Variants in NAALADL2 observed in about 807,000 individuals in gnomAD.
NAALADL2 encodes the protein N-acetylated alpha-linked acidic dipeptidase like 2, also known as inactive N-acetylated-alpha-linked acidic dipeptidase-like protein 2.
NAALADL2 carries 76 observed loss-of-function variants against 87.2 expected under a neutral mutation model. The ratio of observed to expected loss-of-function variants is 0.87; its 90% confidence interval spans 0.72 to 1.05. The LOEUF (loss-of-function observed/expected upper bound fraction) is 1.05, where lower values mean the gene tolerates loss of function less well. Ranked by LOEUF, NAALADL2 falls within the 50% of genes least tolerant of loss-of-function variation. The probability of loss-of-function intolerance (pLI) is 0.00; values close to 1 mark genes in which losing one functional copy is unlikely to be tolerated. For synonymous variants in NAALADL2, 354 were observed against 331.0 expected (o/e 1.07, Z -0.75); for missense variants, 1,089 against 945.8 (o/e 1.15, Z -1.99).
At chr3:175,389,458 G>C (rs186871155) in intron 5 of NAALADL2, among the ~76,000 whole-genome samples, 267 of 152,248 alleles carry the variant, frequency 1.8e-3, no homozygotes, top group Non-Finnish European at 1.4e-3. Context: ...TATAAGCACA[G>C]TTCAAACCTT....
intron 9 of NAALADL2, among the ~76,000 whole-genome samples, chr3:175,520,590 G>A (rs929138985): frequency 3.3e-5 from 5 of 152,134 alleles, no homozygotes; most frequent in Admixed American, 6.5e-5. Context: ...GAGCCACCGC[G>A]CCCGGCCCAA....
chr3:174,921,108 T>C (rs1324284114), intron 1 of NAALADL2, among the ~76,000 whole-genome samples: 3 of 152,142 alleles, frequency 2.0e-5, no homozygotes, highest in African/African-American at 7.2e-5. Flanking sequence ...ATTACCAAAA[T>C]GTGAAACAGA....
chr3:174,921,137 G>A (rs1167384347), intron 1 of NAALADL2, among the ~76,000 whole-genome samples: 1 of 152,142 alleles, frequency 6.6e-6, no homozygotes, highest in Non-Finnish European at 1.5e-5. Flanking sequence ...ATGAGCACAT[G>A]CTATTGGAAA....
chr3:174,624,301 C>T (rs987735104), intron 2 of NAALADL2, among the ~76,000 whole-genome samples: 1 of 152,104 alleles, frequency 6.6e-6, no homozygotes, highest in Non-Finnish European at 1.5e-5. Context: ...CATGACAGTC[C>T]TCTCCATCTT....
intron 3 of NAALADL2, among the ~76,000 whole-genome samples, chr3:174,795,188 G>C (rs1399466106): frequency 6.6e-6 from 1 of 150,596 alleles, no homozygotes; most frequent in Non-Finnish European, 1.5e-5. Flanking sequence ...GTAGAGACAG[G>C]GTTTCTCCAT....
intron 3 of NAALADL2, among the ~76,000 whole-genome samples, chr3:174,850,609 C>A (rs866553606): frequency 6.6e-6 from 1 of 152,154 alleles, no homozygotes; most frequent in East Asian, 1.9e-4. Flanking sequence ...CTAGAGTACC[C>A]AGATATGTAA....
At chr3:174,579,492 T>G (rs1287344706) in intron 2 of NAALADL2, among the ~76,000 whole-genome samples, 1 of 152,008 alleles carries the variant, frequency 6.6e-6, no homozygotes, top group Non-Finnish European at 1.5e-5. Context: ...TTATTTGAAA[T>G]TATAGAATGT....
intron 1 of NAALADL2, among the ~76,000 whole-genome samples, chr3:175,072,859 A>G (rs1054460539): frequency 2.0e-5 from 3 of 152,026 alleles, no homozygotes; most frequent in Admixed American, 2.0e-4. Flanking sequence ...AAAAAACGAA[A>G]AATGGAAAAG....
At chr3:175,722,441 G>T (rs1440448877) in intron 11 of NAALADL2, among the ~76,000 whole-genome samples, 1 of 152,014 alleles carries the variant, frequency 6.6e-6, no homozygotes, top group Non-Finnish European at 1.5e-5. Flanking sequence ...AAATGAGGTG[G>T]TTCACTAAAG....
chr3:174,972,994 C>CT (rs1422635183), intron 1 of NAALADL2, among the ~76,000 whole-genome samples: 19 of 84,432 alleles, frequency 2.3e-4, no homozygotes, highest in Middle Eastern at 5.6e-3. Flanking sequence ...GAAACTCTGT[C>CT]TCAAAAAAAA....
intron 1 of NAALADL2, among the ~76,000 whole-genome samples, chr3:175,091,751 T>C (rs1433828257): frequency 1.3e-5 from 2 of 152,024 alleles, no homozygotes; most frequent in Admixed American, 6.6e-5. Context: ...TTTGAGTAAA[T>C]AGACCAAAAA....
intron 2 of NAALADL2, among the ~76,000 whole-genome samples, chr3:174,698,392 C>A (rs563489972): frequency 1.3e-4 from 20 of 152,086 alleles, no homozygotes; most frequent in African/African-American, 3.9e-4. Flanking sequence ...AGAGACATTT[C>A]CTCTCAGGAT....
rs925804074 is a variant in NAALADL2, at chr3:175,409,439, G to A, written c.1091-37790G>A. ...GTGATATTTATCAATAACTTATGATGAGTGGATCTTACCCATATTGTTGAC... is the reference window on the plus strand; with the variant it reads ...GTGATATTTATCAATAACTTATGATAAGTGGATCTTACCCATATTGTTGAC... On this transcript the variant is annotated intron_variant, in intron 5 of 13. Coordinates refer to ENST00000454872, the MANE Select transcript of NAALADL2 (RefSeq NM_207015.3). 4.6e-5 allele frequency among the ~76,000 whole-genome samples: 7 copies of A among 151,794 alleles called. No homozygotes were observed. The South Asian group carries it at 1.2e-3, about 27-fold the overall frequency.
intron 1 of NAALADL2, among the ~76,000 whole-genome samples, chr3:175,014,555 C>G (rs1750571406): frequency 6.6e-6 from 1 of 152,002 alleles, no homozygotes; most frequent in Admixed American, 6.6e-5. Flanking sequence ...ATAATTGATG[C>G]AAACCATTTG....
chr3:175,369,389 A>G (rs1766146079), intron 5 of NAALADL2, among the ~76,000 whole-genome samples: 1 of 149,452 alleles, frequency 6.7e-6, no homozygotes, highest in Non-Finnish European at 1.5e-5. Flanking sequence ...ATGTGCATGT[A>G]TACATATATA....
At position 175,667,241 on chromosome 3, in the gene NAALADL2, A is replaced by AAGAG. The variant is rs1182682303; in HGVS notation, c.1896+39856_1896+39857insGAGA. Among the ~76,000 whole-genome samples, 667 of 91,768 alleles carry AAGAG rather than the reference A, an allele frequency of 7.3e-3. 10 individuals carry two copies. Among genetic ancestry groups the AAGAG allele is most frequent in the African/African-American group, 8.1e-3 (160 of 19,720 alleles). 60.2% of individuals were successfully genotyped at this position (91,768 alleles called of 152,430 possible). A position where few individuals can be genotyped will look rare whatever the true frequency, so the allele number is the denominator to read the frequency against. Reference sequence around the variant, plus strand: ...AAAGAAAGAAAGAAAGAAAGAAAGAAAAAGAAAGAAAGAAAGAAAGAAAGG... The same window carrying AAGAG: ...AAAGAAAGAAAGAAAGAAAGAAAGAAAGAGAAAGAAAGAAAGAAAGAAAGAAAGG... On this transcript the variant is annotated intron_variant, in intron 11 of 13. Coordinates refer to ENST00000454872, the MANE Select transcript of NAALADL2 (RefSeq NM_207015.3).
intron 9 of NAALADL2, among the ~76,000 whole-genome samples, chr3:175,478,104 A>AT (rs568948143): frequency 3.9e-5 from 6 of 151,944 alleles, no homozygotes; most frequent in East Asian, 1.9e-4. Flanking sequence ...CATGACATAG[A>AT]TTTTTTTGGG....
chr3:175,445,767 T>C (rs928273548), intron 5 of NAALADL2, among the ~76,000 whole-genome samples: 1 of 152,214 alleles, frequency 6.6e-6, no homozygotes, highest in African/African-American at 2.4e-5. Context: ...TCTCCCTTTA[T>C]AGATTTCTTA....
At chr3:175,669,626 T>A (rs1733661739) in intron 11 of NAALADL2, among the ~76,000 whole-genome samples, 1 of 152,008 alleles carries the variant, frequency 6.6e-6, no homozygotes, top group Non-Finnish European at 1.5e-5. Context: ...AAAACACTAT[T>A]TGCAGCACTG....
Sources: allele counts gnomAD v4.1 joint callset (sites outside exome capture counted in the v4.1 genomes callset), GRCh38; gene constraint gnomAD v4.1.1; transcripts MANE v1.5; gene names NCBI Gene and HGNC (gene_info 2026-07-23, HGNC 2026-07-21).